DYNC2I1: variants seen among roughly 807,000 people sequenced by gnomAD.
DYNC2I1 encodes the protein cytoplasmic dynein 2 intermediate chain 1.
DYNC2I1 carries 89 observed loss-of-function variants against 133.4 expected under a neutral mutation model. The observed-to-expected ratio is 0.67, with a 90% CI of 0.56 to 0.80. DYNC2I1 has a LOEUF of 0.80. DYNC2I1 is among the 30% of genes least tolerant of loss of function. DYNC2I1 has a pLI of 0.00. For synonymous variants in DYNC2I1, 504 were observed against 484.3 expected (o/e 1.04, Z -0.54); for missense variants, 1,291 against 1,314.5 (o/e 0.98, Z 0.28).
chr7:158,887,254 T>C (rs1844697681), intron 7 of DYNC2I1, among the ~76,000 whole-genome samples, 179 bp downstream of exon 7: 2 of 105,056 alleles, frequency 1.9e-5, no homozygotes, highest in Admixed American at 1.1e-4. Flanking sequence ...AAGATGCAAA[T>C]TGATTGAAAG....
intron 8 of DYNC2I1, among the ~76,000 whole-genome samples, chr7:158,895,775 C>A (rs1017491276): frequency 2.0e-5 from 3 of 152,146 alleles, no homozygotes; most frequent in Non-Finnish European, 2.9e-5. Context: ...GAATATCTGT[C>A]CATTTATTTA....
chr7:158,913,728 A>G (rs1847722722), intron 13 of DYNC2I1, among the ~76,000 whole-genome samples: 1 of 151,538 alleles, frequency 6.6e-6, no homozygotes, highest in East Asian at 1.9e-4. Context: ...TTTTTTTTTG[A>G]GATGGAGCCT....
intron 1 of DYNC2I1, among the ~76,000 whole-genome samples, chr7:158,857,024 C>T (rs1187768967): frequency 6.6e-6 from 1 of 152,076 alleles, no homozygotes; most frequent in Non-Finnish European, 1.5e-5. Context: ...GGCCCGTCTC[C>T]TCGCGCCCGG....
At chr7:158,939,691 A>G (rs1851131705) in intron 23 of DYNC2I1, among the ~76,000 whole-genome samples, 1 of 152,192 alleles carries the variant, frequency 6.6e-6, no homozygotes, top group Admixed American at 6.5e-5. Flanking sequence ...GAATGGTTAA[A>G]GAAACAAGAC....
At chr7:158,928,292 C>T (rs376753604) in intron 20 of DYNC2I1, among the ~76,000 whole-genome samples, 73 of 150,890 alleles carry the variant, frequency 4.8e-4, no homozygotes, top group African/African-American at 1.7e-3. Context: ...TCTTTCTCAC[C>T]TCATTGGCCT....
At chr7:158,858,802 C>A (rs971221413) in intron 1 of DYNC2I1, among the ~76,000 whole-genome samples, 6 of 122,888 alleles carry the variant, frequency 4.9e-5, no homozygotes, top group Non-Finnish European at 8.5e-5. Flanking sequence ...AGTGGAGTAT[C>A]CCCTCCCCCC....
At chr7:158,883,044 C>T (rs1325066898) in intron 5 of DYNC2I1, among the ~76,000 whole-genome samples, 1 of 151,954 alleles carries the variant, frequency 6.6e-6, no homozygotes, top group Admixed American at 6.6e-5. Context: ...AGATATTCTT[C>T]AACTGAGTAC....
intron 3 of DYNC2I1, among the ~76,000 whole-genome samples, chr7:158,874,074 A>T (rs1204016184): frequency 1.3e-5 from 2 of 149,794 alleles, no homozygotes; most frequent in East Asian, 2.6e-4. Context: ...CTGGATAATT[A>T]AAAAAAATTG....
At chr7:158,948,596 G>C (rs11762390), downstream of DYNC2I1, among the ~76,000 whole-genome samples, 22,519 of 152,114 alleles carry the variant, frequency 0.15, 1,833 homozygotes, top group Non-Finnish European at 0.16. Flanking sequence ...GGTGGCGCGG[G>C]GGATGGCTGA....
intron 15 of DYNC2I1, among the ~76,000 whole-genome samples, chr7:158,921,434 G>A (rs1466824760): frequency 6.6e-6 from 1 of 152,144 alleles, no homozygotes; most frequent in Non-Finnish European, 1.5e-5. Flanking sequence ...CACCGTGGAA[G>A]ACTGCCAATA....
chr7:158,929,964 C>T (rs576264786), intron 20 of DYNC2I1, among the ~76,000 whole-genome samples: 239 of 152,310 alleles, frequency 1.6e-3, no homozygotes, highest in African/African-American at 5.4e-3. Context: ...TGAGGCCAGA[C>T]GCACTCGGCT....
intron 5 of DYNC2I1, among the ~76,000 whole-genome samples, chr7:158,881,645 G>C (rs540977886): frequency 2.0e-5 from 3 of 152,106 alleles, no homozygotes; most frequent in Non-Finnish European, 4.4e-5. Flanking sequence ...AGTAGAGACG[G>C]GGTTTCACCG....
intron 4 of DYNC2I1, among the ~76,000 whole-genome samples, chr7:158,877,184 G>A (rs924696497): frequency 1.1e-4 from 16 of 151,728 alleles, no homozygotes; most frequent in East Asian, 1.9e-4. Flanking sequence ...CTGCGGTTCC[G>A]GATTGGTGTT....
At chr7:158,907,489 G>A (rs575886180) in intron 11 of DYNC2I1, among the ~76,000 whole-genome samples, 2 of 152,266 alleles carry the variant, frequency 1.3e-5, no homozygotes, top group South Asian at 4.2e-4. Flanking sequence ...ATCTTGGAAT[G>A]TGTCAGGGAG....
At chr7:158,953,711 C>T (rs567052970) in intron 4 of DYNC2I1, among the ~76,000 whole-genome samples, 2 of 151,898 alleles carry the variant, frequency 1.3e-5, no homozygotes, top group Admixed American at 6.6e-5. Flanking sequence ...CTTACATATG[C>T]GTGTGTGTAT....
chr7:158,894,155 C>T (rs550312244), intron 8 of DYNC2I1, among the ~76,000 whole-genome samples: 54 of 152,190 alleles, frequency 3.5e-4, no homozygotes, highest in Admixed American at 3.0e-3. Context: ...TACCACATAT[C>T]GTACATCATA....
chr7:158,946,976 C>T (rs927913277), downstream of DYNC2I1, among the ~76,000 whole-genome samples: 17 of 152,256 alleles, frequency 1.1e-4, no homozygotes, highest in African/African-American at 3.9e-4. Context: ...CAGGGCTGCA[C>T]GTCTCGCGTG....
chr7:158,931,779 C>T (rs1030942905), intron 21 of DYNC2I1, among the ~76,000 whole-genome samples: 2 of 152,204 alleles, frequency 1.3e-5, no homozygotes, highest in African/African-American at 2.4e-5. Flanking sequence ...GCTTATTCTA[C>T]GTGCTAGGCT....
intron 4 of DYNC2I1, among the ~76,000 whole-genome samples, chr7:158,879,196 G>C (rs540468250): frequency 6.6e-6 from 1 of 152,222 alleles, no homozygotes; most frequent in African/African-American, 2.4e-5. Context: ...TTACACAAGG[G>C]TAACAGATTA....
Sources: allele counts gnomAD v4.1 joint callset (sites outside exome capture counted in the v4.1 genomes callset), GRCh38; gene constraint gnomAD v4.1.1; transcripts MANE v1.5; gene names NCBI Gene and HGNC (gene_info 2026-07-23, HGNC 2026-07-21).